The following MAF variants were observed in gnomAD, a reference collection of about 807,000 sequenced individuals.
The protein encoded by MAF is MAF bZIP transcription factor, also known as transcription factor Maf.
A neutral mutation model predicts 22.0 loss-of-function variants in MAF; 10 were observed. The observed-to-expected ratio is 0.45, with a 90% CI of 0.28 to 0.77. The LOEUF (loss-of-function observed/expected upper bound fraction) is 0.77. Ranked by LOEUF, MAF falls within the 30% of genes least tolerant of loss-of-function variation. The pLI, the probability that MAF is intolerant of heterozygous loss-of-function variation, is 0.12. For synonymous variants in MAF, 337 were observed against 255.8 expected, an observed-to-expected ratio of 1.32 and a Z score of -3.03; for missense variants, 544 against 548.4, an observed-to-expected ratio of 0.99 and a Z score of 0.08.
At chr16:79,472,510 G>A in the MAF span, among the ~76,000 whole-genome samples, 9 of 152,134 alleles carry the variant, frequency 5.9e-5, no homozygotes, top group East Asian at 1.9e-4. Context: ...AGTGAAAGAA[G>A]CCAGGTACAA....
chr16:79,225,617 AATCT>A, the MAF span, among the ~76,000 whole-genome samples: 1 of 152,332 alleles, frequency 6.6e-6, no homozygotes, highest in East Asian at 1.9e-4. Context: ...AAATTTTTGC[AATCT>A]ATCCATCTGA....
chr16:79,594,652 T>A (rs1351308680), intron 1 of MAF, 99 bp from the exon 2 acceptor site: 132 of 1,474,366 alleles, frequency 9.0e-5, no homozygotes, highest in Middle Eastern at 2.0e-4. Flanking sequence ...TTTTTTTTTT[T>A]AAATTTAGAG....
chr16:79,476,752 T>G, the MAF span, among the ~76,000 whole-genome samples: 2 of 152,178 alleles, frequency 1.3e-5, no homozygotes, highest in African/African-American at 4.8e-5. Flanking sequence ...AGTGAGTGAG[T>G]AGACTTGGAG....
chr16:79,514,247 A>G, the MAF span, among the ~76,000 whole-genome samples: 1 of 152,204 alleles, frequency 6.6e-6, no homozygotes, highest in African/African-American at 2.4e-5. Flanking sequence ...GGGACCTTGA[A>G]CGCGCAGCTT....
chr16:79,524,901 C>T, the MAF span, among the ~76,000 whole-genome samples: 2 of 152,252 alleles, frequency 1.3e-5, no homozygotes, highest in African/African-American at 4.8e-5. Context: ...GACAATGTGG[C>T]CAACACGCAC....
At chr16:79,594,756 A>T (rs2143761466) in intron 1 of MAF, 1 of 1,368,064 alleles carries the variant, frequency 7.3e-7, no homozygotes, top group East Asian at 2.8e-5. Context: ...CTATACTTCA[A>T]AGTTTTCAGT....
At chr16:79,353,539 G>A in the MAF span, among the ~76,000 whole-genome samples, 4 of 152,076 alleles carry the variant, frequency 2.6e-5, no homozygotes, top group African/African-American at 7.2e-5. Flanking sequence ...TCAGGGGAAC[G>A]GGCACTGAGA....
the MAF span, among the ~76,000 whole-genome samples, chr16:79,226,631 T>C: frequency 6.6e-6 from 1 of 152,148 alleles, no homozygotes; most frequent in Middle Eastern, 3.4e-3. Context: ...ATTCATGACT[T>C]TGTACCTACA....
the MAF span, among the ~76,000 whole-genome samples, chr16:79,248,941 T>C: frequency 0.01 from 1,557 of 152,314 alleles, 33 homozygotes; most frequent in African/African-American, 0.035. Context: ...GGTAAGAACA[T>C]TTAAAAATAT....
the MAF span, among the ~76,000 whole-genome samples, chr16:79,258,841 G>A: frequency 1.3e-5 from 2 of 152,128 alleles, no homozygotes; most frequent in Non-Finnish European, 2.9e-5. Context: ...TGCACTTCTG[G>A]TTCTCATCCA....
the MAF span, among the ~76,000 whole-genome samples, chr16:79,235,081 A>G: frequency 9.9e-5 from 15 of 152,118 alleles, no homozygotes; most frequent in Non-Finnish European, 1.6e-4. Flanking sequence ...TGCAAAAGCA[A>G]TAAAGACAAT....
the MAF span, among the ~76,000 whole-genome samples, chr16:79,215,496 GC>G: frequency 3.3e-5 from 5 of 152,330 alleles, no homozygotes; most frequent in Admixed American, 2.0e-4. Flanking sequence ...CAGCCAAGGT[GC>G]TGTGCAAAAT....
the MAF span, among the ~76,000 whole-genome samples, chr16:79,541,255 T>A: frequency 7.4e-4 from 113 of 152,330 alleles, no homozygotes; most frequent in Non-Finnish European, 1.2e-3. Flanking sequence ...CAACCACACA[T>A]TCCAGATTTA....
chr16:79,593,021 G>A (rs759102491), downstream of MAF, among the ~76,000 whole-genome samples: 1 of 152,120 alleles, frequency 6.6e-6, no homozygotes, highest in Non-Finnish European at 1.5e-5. Flanking sequence ...TGTCACTCAT[G>A]TACTCCTGTA....
chr16:79,588,219 G>A (rs1016806224), intron 1 of MAF, among the ~76,000 whole-genome samples: 3 of 152,256 alleles, frequency 2.0e-5, no homozygotes, highest in South Asian at 2.1e-4. Context: ...AAAACGTGTT[G>A]CAGGCTGTCA....
chr16:79,435,473 T>G, the MAF span, among the ~76,000 whole-genome samples: 1 of 152,186 alleles, frequency 6.6e-6, no homozygotes, highest in Non-Finnish European at 1.5e-5. Flanking sequence ...TACTATTCAT[T>G]GAGCTTGTAC....
the MAF span, among the ~76,000 whole-genome samples, chr16:79,320,831 A>G: frequency 4.6e-5 from 7 of 152,198 alleles, no homozygotes; most frequent in Non-Finnish European, 1.0e-4. Flanking sequence ...AGTGTTTTAT[A>G]TATTGATTAT....
At chr16:79,219,215 A>C in the MAF span, among the ~76,000 whole-genome samples, 1 of 152,100 alleles carries the variant, frequency 6.6e-6, no homozygotes, top group Middle Eastern at 3.2e-3. Flanking sequence ...GGCTTTCCTG[A>C]TTTTATCTGA....
the MAF span, among the ~76,000 whole-genome samples, chr16:79,382,763 TGTGCATTTATTCATAAAATG>T: frequency 6.6e-6 from 1 of 152,150 alleles, no homozygotes. Flanking sequence ...AAAATAAAAA[TGTGCATTTATTCATAAAATG>T]GTGCATTTAT....
Sources: allele counts gnomAD v4.1 joint callset (sites outside exome capture counted in the v4.1 genomes callset), GRCh38; gene constraint gnomAD v4.1.1; transcripts MANE v1.5; gene names NCBI Gene and HGNC (gene_info 2026-07-23, HGNC 2026-07-21).